BEST1: variants seen among roughly 807,000 people sequenced by gnomAD.
The protein encoded by BEST1 is bestrophin 1, also known as bestrophin-1.
In BEST1, 58 loss-of-function variants were observed where a neutral mutation model predicts 63.3. The ratio of observed to expected loss-of-function variants is 0.92; its 90% confidence interval spans 0.74 to 1.14. The LOEUF (loss-of-function observed/expected upper bound fraction) is 1.14, where lower values mean the gene tolerates loss of function less well. Ranked by LOEUF, BEST1 falls within the 50% of genes most tolerant of loss-of-function variation. BEST1 has a pLI of 0.00. For synonymous variants in BEST1, 283 were observed against 291.6 expected (o/e 0.97, Z 0.30); for missense variants, 671 against 740.1 (o/e 0.91, Z 1.08).
At position 61,963,852 on chromosome 11, in the gene BEST1, C is replaced by CAA. The variant is rs56215258; in HGVS notation, c.1740-250_1740-249dup. Reference sequence around the variant, plus strand: ...AACCCCATCTCTACCAAAAAAAATACAAATCAGCTGGGCGTCGTGGTGTGC... The same window carrying CAA: ...AACCCCATCTCTACCAAAAAAAATACAAAAATCAGCTGGGCGTCGTGGTGTGC... On this transcript the variant is annotated intron_variant, in intron 10 of 10. Transcript: ENST00000378043. 0.26 allele frequency: 342,544 copies of CAA among 1,307,850 alleles called. 50,303 individuals are homozygous for CAA. Among genetic ancestry groups the CAA allele is most frequent in the South Asian group, 0.55 (34,836 of 63,166 alleles). 81.0% of individuals were successfully genotyped at this position (1,307,850 alleles called of 1,614,324 possible).
intron 2 of BEST1, 107 bp from the exon 3 acceptor site, chr11:61,955,000 A>T (rs1941119044): frequency 6.5e-7 from 1 of 1,547,010 alleles, no homozygotes; most frequent in Admixed American, 1.9e-5. Flanking sequence ...AATGTGGGAT[A>T]GCATCGAGGC....
chr11:61,962,358 C>T lies in BEST1; in HGVS notation c.1204C>T (p.His402Tyr), dbSNP rs149678971. ...CCTAGGCCTGCAGTCCCATGATCAC[C>T]ATCCTCCCAGGGCAAACTCAAGGAC... ...RFLGLQSHDH[H>Y]PPRANSRTKL... The change falls in exon 10 of 11, where the codon CAT (histidine) becomes TAT (tyrosine). Residue 402 changes from histidine to tyrosine, a missense_variant. Physicochemically the swap from His to Tyr is moderately conservative, Grantham distance 83. Coordinates refer to ENST00000378043, the MANE Select transcript of BEST1 (RefSeq NM_004183.4). 8.1e-6 allele frequency: 13 copies of T among 1,614,064 alleles called. No homozygotes were observed. In the African/African-American group the frequency reaches 1.6e-4, roughly 20 times the overall value.
In BEST1 at chr11:61,957,013, C is replaced by G; in HGVS notation, c.636+15C>G. ...GCCTGCTGAACGTGAGCCCACTGTACAGACAGGGCTGCCGCAGAGTGGGAA... is the reference window on the plus strand; with the variant it reads ...GCCTGCTGAACGTGAGCCCACTGTAGAGACAGGGCTGCCGCAGAGTGGGAA... On this transcript the variant is annotated intron_variant, in intron 5 of 10. Transcript: ENST00000378043. The G allele has an allele frequency of 6.2e-7, 1 of 1,614,034 alleles. No individual in the cohort carries two copies. Among genetic ancestry groups the G allele is most frequent in the South Asian group, 1.1e-5 (1 of 91,080 alleles).
chr11:61,963,117 G>C lies in BEST1; in HGVS notation c.1739+224G>C, dbSNP rs185365730. 3.4e-6 allele frequency: 5 copies of C among 1,460,504 alleles called. No individual in the cohort carries two copies. The Admixed American group carries it at 8.3e-5, about 24-fold the overall frequency. 90.5% of individuals were successfully genotyped at this position (1,460,504 alleles called of 1,614,324 possible). On this transcript the variant is annotated intron_variant, in intron 10 of 10. Transcript: ENST00000378043. The stretch of plus-strand genomic sequence containing the variant: ...TCTCACTTCACCCTGGTATCACCCG[G>C]AAGACTTCTTGGGACCAGGTGAAGG...
Position 61,954,971 on chromosome 11 carries a change from G to C in BEST1, c.153-136G>C, listed in dbSNP as rs774837709. On this transcript the variant is annotated intron_variant, in intron 2 of 10. Transcript: ENST00000378043. ...CATGGACCTGGCTCAGGCCTCAGGA[G>C]GGGCCCTGGGCTGGGGAAAATGTGG... 3 of 1,510,782 alleles carry C rather than the reference G, an allele frequency of 2.0e-6. No individual in the cohort carries two copies. The African/African-American group carries it at 4.1e-5, about 21-fold the overall frequency. The allele number at this position is 1,510,782 out of a possible 1,614,324, so 93.6% of individuals were successfully genotyped here.
Position 61,959,485 on chromosome 11 carries a change from A to G in BEST1, c.868-13A>G, listed in dbSNP as rs756062187. Reference sequence around the variant, plus strand: ...TCTGCCTGAGGGTTTACAGAGCCTCACCTGTCCCCAAGGTGGCAGAGCAGC... The same window carrying G: ...TCTGCCTGAGGGTTTACAGAGCCTCGCCTGTCCCCAAGGTGGCAGAGCAGC... On this transcript the variant is annotated splice_polypyrimidine_tract_variant and intron_variant, in intron 7 of 10. Transcript: ENST00000378043. The G allele has an allele frequency of 2.5e-6, 4 of 1,613,870 alleles. No individual in the cohort carries two copies. The South Asian group carries it at 4.4e-5, about 18-fold the overall frequency.
chr11:61,951,260 T>C (rs1940625455), intron 1 of BEST1, among the ~76,000 whole-genome samples: 1 of 152,054 alleles, frequency 6.6e-6, no homozygotes, highest in South Asian at 2.1e-4. Context: ...CAGGCTGGAG[T>C]GCAATGGCGT....
At chr11:61,961,091 C>G (rs1942024673) in intron 9 of BEST1, 1 of 151,938 alleles carries the variant, frequency 6.6e-6, no homozygotes, top group South Asian at 2.1e-4. Context: ...AATCTCGGCT[C>G]ACTGCAACCT....
chr11:61,963,715 G>A, intron 10 of BEST1: 2 of 1,126,752 alleles, frequency 1.8e-6, no homozygotes, highest in South Asian at 4.4e-5. Flanking sequence ...AAACATCTGT[G>A]GCCTGTTCAG....
chr11:61,962,633 A>G lies in BEST1; in HGVS notation c.1479A>G (p.Thr493=), dbSNP rs778436332. The G allele has an allele frequency of 7.4e-6, 12 of 1,614,208 alleles. No individual in the cohort carries two copies. The South Asian group carries it at 1.2e-4, about 16-fold the overall frequency. ...CGCCGTCAAAGCTTCACAGTGTCAC[A>G]GGCATAGACACCAAAGACAAAAGCT... The part of the protein sequence containing the change: ...PSAPSKLHSV[T]GIDTKDKSLK... The change falls in exon 10 of 11, where the codon ACA becomes ACG. Residue 493 remains threonine, a synonymous_variant. Transcript: ENST00000378043.
intron 9 of BEST1, 144 bp downstream of exon 9, chr11:61,960,187 A>AT (rs948303920): frequency 5.3e-6 from 6 of 1,140,698 alleles, no homozygotes; most frequent in Middle Eastern, 2.9e-4. Context: ...AACATTAACT[A>AT]TTTTTTTCCT....
intron 10 of BEST1, chr11:61,963,505 C>T (rs1173393682): frequency 1.9e-6 from 2 of 1,054,336 alleles, no homozygotes; most frequent in East Asian, 7.3e-5. Context: ...AGATATTTCC[C>T]TTTATTCCAG....
At position 61,964,367 on chromosome 11, in the gene BEST1, CAG is replaced by C. The variant is rs1331995822; in HGVS notation, c.*248_*249del. 1.3e-6 allele frequency: 1 copy of C among 773,548 alleles called. No homozygotes were observed. Among genetic ancestry groups the C allele is most frequent in the Non-Finnish European group, 2.0e-6 (1 of 496,036 alleles). 47.9% of individuals were successfully genotyped at this position (773,548 alleles called of 1,614,324 possible). On this transcript the variant is annotated 3_prime_UTR_variant, in exon 11 of 11. Transcript: ENST00000378043. Reference sequence around the variant, plus strand: ...AAACATTTAACTCAGACTCTGGATTCAGAGTCGGGAACCCTTAGTTCTATCTG... The same window carrying C: ...AAACATTTAACTCAGACTCTGGATTCAGTCGGGAACCCTTAGTTCTATCTG...
chr11:61,955,018 C>A (rs1941122417), intron 2 of BEST1, 89 bp from the exon 3 acceptor site: 6 of 1,578,988 alleles, frequency 3.8e-6, no homozygotes, highest in Middle Eastern at 1.7e-4. Flanking sequence ...GGCAGTCCCA[C>A]TCCTACCCAG....
chr11:61,963,337 A>G (rs1408629945), intron 10 of BEST1: 3 of 1,302,138 alleles, frequency 2.3e-6, no homozygotes, highest in African/African-American at 1.5e-5. Context: ...GTACCCAAGC[A>G]CTACAGGAAA....
rs866839561 is a variant in BEST1 at position 61,959,663 on chromosome 11, C to T, written c.948+85C>T. The T allele has an allele frequency of 2.0e-6, 3 of 1,473,424 alleles. No individual in the cohort carries two copies. In the African/African-American group the frequency reaches 4.2e-5, roughly 20 times the overall value. 91.3% of individuals were successfully genotyped at this position (1,473,424 alleles called of 1,614,324 possible). ...GGACCCCACTGTTCTGTAGGGAGGC[C>T]TCACAGTGAATGATCAACCCTTCCC... On this transcript the variant is annotated intron_variant, in intron 8 of 10. Coordinates refer to ENST00000378043, the MANE Select transcript of BEST1 (RefSeq NM_004183.4).
At chr11:61,958,794 A>ACT in intron 7 of BEST1, 1 of 289,598 alleles carries the variant, frequency 3.5e-6, no homozygotes, top group Non-Finnish European at 6.7e-6. Flanking sequence ...TTGCCCACCC[A>ACT]CTCTCTCTCC....
In BEST1 at chr11:61,962,502, G is replaced by A. The variant is rs764761141; in HGVS notation, c.1348G>A (p.Val450Met). 8.1e-6 allele frequency: 13 copies of A among 1,614,088 alleles called. No homozygotes were observed. Among genetic ancestry groups the A allele is most frequent in the Non-Finnish European group, 1.0e-5 (12 of 1,180,050 alleles). ...CAACAAGGCCTGGAAGCTTAAGGCTGTGGACGCCTTCAAGTCTGCCCCACT... is the reference window on the plus strand; with the variant it reads ...CAACAAGGCCTGGAAGCTTAAGGCTATGGACGCCTTCAAGTCTGCCCCACT... ...EDNKAWKLKA[V>M]DAFKSAPLYQ... Residue 450 changes from valine to methionine, a missense_variant, in exon 10 of 11, where the codon GTG (valine) becomes ATG (methionine). Physicochemically the swap from Val to Met is conservative, Grantham distance 21. Transcript: ENST00000378043.
At chr11:61,965,212 TTGCC>T (rs1214739234), downstream of BEST1, 2 of 1,594,502 alleles carry the variant, frequency 1.3e-6, no homozygotes, top group East Asian at 4.5e-5. Flanking sequence ...ACATTACTAT[TTGCC>T]TAATTTAGTT....
Sources: allele counts gnomAD v4.1 joint callset (sites outside exome capture counted in the v4.1 genomes callset), GRCh38; gene constraint gnomAD v4.1.1; transcripts MANE v1.5; gene names NCBI Gene and HGNC (gene_info 2026-07-23, HGNC 2026-07-21).